The following CYTH4 variants were observed in gnomAD, a reference collection of about 807,000 sequenced individuals.
CYTH4 encodes cytohesin-4.
A neutral mutation model predicts 57.5 loss-of-function variants in CYTH4; 22 were observed. The ratio of observed to expected loss-of-function variants is 0.38; its 90% CI spans 0.27 to 0.55. The LOEUF (loss-of-function observed/expected upper bound fraction) is 0.55. Ranked by LOEUF, CYTH4 falls within the 20% of genes least tolerant of loss-of-function variation. CYTH4 has a pLI of 0.74. For missense variants in CYTH4, 420 were observed against 535.6 expected, an observed-to-expected ratio of 0.78 and a Z score of 2.13; for synonymous variants, 186 against 206.5, an observed-to-expected ratio of 0.90 and a Z score of 0.85.
chr22:37,303,402 G>T lies in CYTH4; in HGVS notation c.696G>T (p.Arg232=). The change falls in exon 8 of 13, where the codon CGG becomes CGT. Residue 232 remains arginine (R), a splice_region_variant and synonymous_variant. Coordinates refer to ENST00000248901, the MANE Select transcript of CYTH4 (RefSeq NM_013385.5). The part of the protein sequence containing the change: ...NGSDLPEDQL[R]NLFDSIKSEP... ...GCGACCTGCCCGAGGACCAGCTGCGGGTGAGAGAGGCGCAGCCCACCCAGC... is the reference window on the plus strand; with the variant it reads ...GCGACCTGCCCGAGGACCAGCTGCGTGTGAGAGAGGCGCAGCCCACCCAGC... The T allele has an allele frequency of 6.2e-7, 1 of 1,612,658 alleles. No homozygotes were observed.
intron 2 of CYTH4, among the ~76,000 whole-genome samples, chr22:37,294,355 T>A (rs917100705): frequency 6.7e-6 from 1 of 149,914 alleles, no homozygotes; most frequent in African/African-American, 2.5e-5. Context: ...AGAGGAGAGA[T>A]GGGAAGGTTG....
intron 9 of CYTH4, chr22:37,310,062 G>C (rs1257689870): frequency 2.2e-6 from 1 of 463,858 alleles, no homozygotes; most frequent in Non-Finnish European, 4.5e-6. Flanking sequence ...GTTGAAGCAG[G>C]GGTCTCAACC....
intron 12 of CYTH4, 106 bp from the exon 13 acceptor site, chr22:37,313,333 G>A: frequency 8.6e-7 from 1 of 1,164,218 alleles, no homozygotes; most frequent in Non-Finnish European, 1.3e-6. Flanking sequence ...CGGCAGAGCA[G>A]GCTGACACCT....
In CYTH4 at chr22:37,313,863, C is replaced by G. The variant is rs1929744736; in HGVS notation, c.*352C>G. 2 of 302,668 alleles carry G rather than the reference C, an allele frequency of 6.6e-6. No homozygotes were observed. Among genetic ancestry groups the G allele is most frequent in the Non-Finnish European group, 1.2e-5 (2 of 161,176 alleles). The allele number at this position is 302,668 out of a possible 1,614,324, so 18.7% of individuals were successfully genotyped here. ...CGGTGTCCTCGGCTCTGAAGGCGCTCTCTGCACTTAGATGCTGTCAGCCCT... is the reference window on the plus strand; with the variant it reads ...CGGTGTCCTCGGCTCTGAAGGCGCTGTCTGCACTTAGATGCTGTCAGCCCT... On this transcript the variant is annotated 3_prime_UTR_variant, in exon 13 of 13. Transcript: ENST00000248901.
intron 1 of CYTH4, among the ~76,000 whole-genome samples, chr22:37,286,157 C>T (rs937639568): frequency 5.9e-5 from 9 of 152,194 alleles, no homozygotes; most frequent in Admixed American, 6.5e-5. Context: ...TATTCTGAAA[C>T]GTGTAACCCC....
chr22:37,308,794 A>C (rs1047966401), intron 8 of CYTH4, among the ~76,000 whole-genome samples: 1 of 148,200 alleles, frequency 6.7e-6, no homozygotes, highest in African/African-American at 2.5e-5. Flanking sequence ...ATGTGTGTGA[A>C]CATGCATGTG....
chr22:37,285,121 G>A (rs1228225200), intron 1 of CYTH4, among the ~76,000 whole-genome samples: 2 of 152,188 alleles, frequency 1.3e-5, no homozygotes, highest in South Asian at 2.1e-4. Context: ...CCCTGGAAAG[G>A]GGAAGTGAGG....
chr22:37,296,002 G>T lies in CYTH4; in HGVS notation c.171G>T (p.Arg57=), dbSNP rs898164731. 2 of 1,612,720 alleles carry T rather than the reference G, an allele frequency of 1.2e-6. No homozygotes were observed. The highest frequency in any genetic ancestry group is 1.7e-6 in the Non-Finnish European group (2 of 1,179,386). The change falls in exon 4 of 13, where the codon CGG becomes CGT. Residue 57 remains arginine, a synonymous_variant. Coordinates refer to ENST00000248901, the MANE Select transcript of CYTH4 (RefSeq NM_013385.5). ...IDCFESAEES[R]MAQKEKELCI... The stretch of plus-strand genomic sequence containing the variant: ...GCTGACGTCCTCATGTCCACAGCCG[G>T]ATGGCCCAGAAGGAGAAGGAGCTGT...
chr22:37,309,115 G>A, intron 8 of CYTH4, 97 bp from the exon 9 acceptor site: 1 of 955,376 alleles, frequency 1.0e-6, no homozygotes, highest in South Asian at 1.5e-5. Context: ...GCCTGCAGGT[G>A]AGTGACCTGC....
chr22:37,314,498 A>G lies in CYTH4; in HGVS notation c.*987A>G. ...TGCCTGGAGGCAGTGGCTGAGCCAGAAAGTAACACAGAGCTCATGCTTGGA... is the reference window on the plus strand; with the variant it reads ...TGCCTGGAGGCAGTGGCTGAGCCAGGAAGTAACACAGAGCTCATGCTTGGA... On this transcript the variant is annotated 3_prime_UTR_variant, in exon 13 of 13. Coordinates refer to ENST00000248901, the MANE Select transcript of CYTH4 (RefSeq NM_013385.5). 1 of 398,576 alleles carries G rather than the reference A, an allele frequency of 2.5e-6. No homozygotes were observed. Among genetic ancestry groups the G allele is most frequent in the Non-Finnish European group, 4.4e-6 (1 of 226,070 alleles). The allele number at this position is 398,576 out of a possible 1,614,324, so 24.7% of individuals were successfully genotyped here.
chr22:37,304,904 T>C (rs940790090), intron 8 of CYTH4, among the ~76,000 whole-genome samples: 1 of 152,212 alleles, frequency 6.6e-6, no homozygotes, highest in African/African-American at 2.4e-5. Context: ...GCAGAGCCTG[T>C]GCCAGGTATA....
intron 7 of CYTH4, among the ~76,000 whole-genome samples, chr22:37,303,031 G>A (rs1046852366): frequency 1.3e-4 from 20 of 152,176 alleles, no homozygotes; most frequent in African/African-American, 3.6e-4. Context: ...GCGTACGCGC[G>A]GAGGTAGGAA....
intron 9 of CYTH4, among the ~76,000 whole-genome samples, chr22:37,310,697 G>A (rs910603997): frequency 5.3e-5 from 8 of 152,230 alleles, no homozygotes; most frequent in Non-Finnish European, 8.8e-5. Context: ...AATGGATGGC[G>A]GTAGCCAGGA....
Position 37,298,939 on chromosome 22 carries a change from T to C in CYTH4, c.354-287T>C, listed in dbSNP as rs1929077157. Among the ~76,000 whole-genome samples, 1 of 151,900 alleles carries C rather than the reference T, an allele frequency of 6.6e-6. No individual in the cohort carries two copies. Among genetic ancestry groups the C allele is most frequent in the Non-Finnish European group, 1.5e-5 (1 of 67,938 alleles). On this transcript the variant is annotated intron_variant, in intron 5 of 12. Transcript: ENST00000248901. The surrounding 1 kb of genome is among the most constrained non-coding windows in gnomAD (Gnocchi z 4.1). ...TCACCAGGTGGGAAGTTACAGGAAA[T>C]GAGGAAGGCCTGGACTGAGGGCAAG...
intron 1 of CYTH4, among the ~76,000 whole-genome samples, chr22:37,284,813 G>A (rs768654918): frequency 2.0e-5 from 3 of 152,162 alleles, no homozygotes; most frequent in Admixed American, 1.3e-4. Context: ...CAGGTAAGGC[G>A]CCCTCCCCCA....
chr22:37,294,802 G>A (rs1221579734), intron 3 of CYTH4, 78 bp downstream of exon 3: 1 of 1,542,640 alleles, frequency 6.5e-7, no homozygotes, highest in Non-Finnish European at 9.0e-7. Flanking sequence ...AATGAGCAGG[G>A]GCCACTCCCA....
intron 8 of CYTH4, among the ~76,000 whole-genome samples, chr22:37,308,606 G>GT (rs909770358): frequency 6.6e-6 from 1 of 151,298 alleles, no homozygotes; most frequent in Non-Finnish European, 1.5e-5. Flanking sequence ...GAGTGTGCAT[G>GT]TATGTGTGCA....
At position 37,313,532 on chromosome 22, in the gene CYTH4, G is replaced by A. The variant is rs763737247; in HGVS notation, c.*21G>A. ...AGTGAGATTCCTGGAGGTGGCACTG[G>A]GGGCTGGTCACCCTGAGAGTCCCAT... On this transcript the variant is annotated 3_prime_UTR_variant, in exon 13 of 13. Coordinates refer to ENST00000248901, the MANE Select transcript of CYTH4 (RefSeq NM_013385.5). 30 of 1,612,726 alleles carry A rather than the reference G, an allele frequency of 1.9e-5. No individual in the cohort carries two copies. Among genetic ancestry groups the A allele is most frequent in the Non-Finnish European group, 2.5e-5 (29 of 1,178,788 alleles).
intron 2 of CYTH4, 90 bp from the exon 3 acceptor site, chr22:37,294,570 C>T: frequency 6.9e-7 from 1 of 1,452,630 alleles, no homozygotes; most frequent in Non-Finnish European, 9.5e-7. Flanking sequence ...GAGTCGTGCC[C>T]AGGGGTAGGA....
Sources: allele counts gnomAD v4.1 joint callset (sites outside exome capture counted in the v4.1 genomes callset), GRCh38; gene constraint gnomAD v4.1.1; non-coding constraint Gnocchi (gnomAD v3.1); transcripts MANE v1.5; gene names NCBI Gene and HGNC (gene_info 2026-07-23, HGNC 2026-07-21).